The following LEPR variants were observed in gnomAD, a reference collection of about 807,000 sequenced individuals.
LEPR encodes leptin receptor, also known as OB receptor.
A neutral mutation model predicts 114.7 loss-of-function variants in LEPR; 56 were observed. The observed-to-expected ratio is 0.49, with a 90% CI of 0.39 to 0.61. LEPR has a LOEUF of 0.61. Among genes scored for constraint, LEPR ranks in the 20% least tolerant of loss-of-function variants. LEPR has a pLI of 0.00. For synonymous variants in LEPR, 443 were observed against 461.4 expected (o/e 0.96, Z 0.51); for missense variants, 1,202 against 1,352.9 (o/e 0.89, Z 1.75).
intron 2 of LEPR, among the ~76,000 whole-genome samples, chr1:65,510,878 C>T (rs1256791931): frequency 1.3e-5 from 2 of 152,096 alleles, no homozygotes; most frequent in African/African-American, 4.8e-5. Context: ...ATGTCAAGTA[C>T]AGCCAATCTG....
At chr1:65,482,008 G>A (rs1647256723) in intron 2 of LEPR, among the ~76,000 whole-genome samples, 1 of 151,892 alleles carries the variant, frequency 6.6e-6, no homozygotes, top group African/African-American at 2.4e-5. Flanking sequence ...GTTTAGATAA[G>A]TTGTTGGATA....
intron 2 of LEPR, among the ~76,000 whole-genome samples, chr1:65,505,094 T>C (rs1214988713): frequency 6.6e-6 from 1 of 152,162 alleles, no homozygotes; most frequent in Non-Finnish European, 1.5e-5. Context: ...TACTCCTTAA[T>C]TCATACAAAA....
chr1:65,484,700 A>C (rs1488057010), intron 2 of LEPR, among the ~76,000 whole-genome samples: 2 of 152,190 alleles, frequency 1.3e-5, no homozygotes, highest in African/African-American at 2.4e-5. Context: ...ATAATAACTC[A>C]TGGGGAAGGA....
intron 2 of LEPR, among the ~76,000 whole-genome samples, chr1:65,545,492 T>G (rs1449986562): frequency 6.6e-6 from 1 of 150,672 alleles, no homozygotes; most frequent in African/African-American, 2.4e-5. Context: ...TTTTAATGAT[T>G]GCCATTCTAA....
intron 2 of LEPR, among the ~76,000 whole-genome samples, chr1:65,459,637 A>G (rs1387012605): frequency 6.6e-6 from 1 of 152,250 alleles, no homozygotes; most frequent in Non-Finnish European, 1.5e-5. Context: ...CAGCTCTGCC[A>G]TCCCAACCCA....
intron 14 of LEPR, among the ~76,000 whole-genome samples, chr1:65,615,308 A>G (rs1270270313): frequency 6.6e-6 from 1 of 152,142 alleles, no homozygotes; most frequent in Non-Finnish European, 1.5e-5. Flanking sequence ...TTGATTGGGG[A>G]AATGGGGTAC....
rs193922651 is a variant in LEPR, at chr1:65,636,940, C to T, written c.3423C>T (p.Tyr1141=). The T allele has an allele frequency of 1.1e-4, 175 of 1,609,144 alleles. 1 individual carries two copies. Among genetic ancestry groups the T allele is most frequent in the African/African-American group, 5.1e-4 (38 of 74,522 alleles). Residue 1141 remains tyrosine (Y), a synonymous_variant, in exon 20 of 20, where the codon TAC becomes TAT. Transcript: ENST00000349533. The part of the protein sequence containing the change: ...GTSSKKTFAS[Y]MPQFQTCSTQ... ...CTAGTAAGAAGACTTTTGCATCTTACATGCCTCAATTCCAAACTTGTTCTA... is the reference window on the plus strand; with the variant it reads ...CTAGTAAGAAGACTTTTGCATCTTATATGCCTCAATTCCAAACTTGTTCTA...
intron 2 of LEPR, among the ~76,000 whole-genome samples, chr1:65,498,848 TA>T (rs1648298200): frequency 6.6e-6 from 1 of 152,150 alleles, no homozygotes; most frequent in African/African-American, 2.4e-5. Flanking sequence ...GATTGAAGAA[TA>T]GCTCAAGTCC....
chr1:65,448,712 A>G (rs1646742918), intron 2 of LEPR, among the ~76,000 whole-genome samples: 1 of 152,146 alleles, frequency 6.6e-6, no homozygotes, highest in Non-Finnish European at 1.5e-5. Flanking sequence ...ATATTGGCCT[A>G]CTCAGATTAT....
chr1:65,619,950 G>A lies in LEPR; in HGVS notation c.2418G>A (p.Lys806=). 6.2e-7 allele frequency: 1 copy of A among 1,612,250 alleles called. No individual in the cohort carries two copies. The highest frequency in any genetic ancestry group is 8.5e-7 in the Non-Finnish European group (1 of 1,178,712). ...YIHDHFIPIE[K]YQFSLYPIFM... is the part of the protein sequence containing the mutation. Reference sequence around the variant, plus strand: ...CAGATCATTTTATCCCCATTGAGAAGTACCAGTTCAGTCTTTACCCAATAT... The same window carrying A: ...CAGATCATTTTATCCCCATTGAGAAATACCAGTTCAGTCTTTACCCAATAT... The change falls in exon 17 of 20, where the codon AAG becomes AAA. Residue 806 remains lysine (K), a synonymous_variant. Transcript: ENST00000349533.
At chr1:65,583,488 G>C (rs955057182) in intron 5 of LEPR, among the ~76,000 whole-genome samples, 1 of 151,962 alleles carries the variant, frequency 6.6e-6, no homozygotes, top group African/African-American at 2.4e-5. Context: ...CATTTCATAG[G>C]AACTCCAGAA....
At chr1:65,425,146 G>A (rs1006343011) in intron 1 of LEPR, among the ~76,000 whole-genome samples, 157 bp from the exon 2 acceptor site, 14 of 151,992 alleles carry the variant, frequency 9.2e-5, no homozygotes, top group African/African-American at 3.1e-4. Flanking sequence ...ATATTCAGAA[G>A]GTTATGCAGC....
chr1:65,554,613 A>G (rs1570681881), intron 2 of LEPR, among the ~76,000 whole-genome samples: 1 of 152,204 alleles, frequency 6.6e-6, no homozygotes, highest in South Asian at 2.1e-4. Context: ...GGCAGGGAGA[A>G]TTTCAAGCCA....
chr1:65,633,199 C>T lies in LEPR; in HGVS notation c.2674-2992C>T, dbSNP rs1658593507. 6.2e-7 allele frequency: 1 copy of T among 1,609,298 alleles called. No homozygotes were observed. The highest frequency in any genetic ancestry group is 1.3e-5 in the African/African-American group (1 of 74,798). On this transcript the variant is annotated intron_variant, in intron 19 of 19. Coordinates refer to ENST00000349533, the MANE Select transcript of LEPR (RefSeq NM_002303.6). This position sits in a 1 kb window ranked among gnomAD's most constrained non-coding sequence, Gnocchi z 4.1. The stretch of plus-strand genomic sequence containing the variant: ...TAATCATGATCACTACAGATGAACC[C>T]AATGTGCCAACTTCCCAACAGTCTA...
In LEPR at chr1:65,455,245, G is replaced by A. The variant is rs538789715; in HGVS notation, c.-21+29867G>A. 1.3e-4 allele frequency among the ~76,000 whole-genome samples: 20 copies of A among 152,210 alleles called. No homozygotes were observed. In the South Asian group the frequency reaches 3.3e-3, roughly 25 times the overall value. On this transcript the variant is annotated intron_variant, in intron 2 of 19. Transcript: ENST00000349533. Reference sequence around the variant, plus strand: ...TGGTTTGAATTTCCTCCCGTAGCTCGTAGTAATTTGATCGTCTGAAGCCTT... The same window carrying A: ...TGGTTTGAATTTCCTCCCGTAGCTCATAGTAATTTGATCGTCTGAAGCCTT...
Position 65,615,991 on chromosome 1 carries a change from T to G in LEPR, c.1996-17T>G. ...CACTGCAGCCCTTAAACTAATCAAT[T>G]TCTATATTTACTACAGCCCCTGATG... is the stretch of plus-strand genomic sequence containing the variant. On this transcript the variant is annotated splice_polypyrimidine_tract_variant and intron_variant, in intron 14 of 19. Coordinates refer to ENST00000349533, the MANE Select transcript of LEPR (RefSeq NM_002303.6). The G allele has an allele frequency of 6.2e-7, 1 of 1,613,968 alleles. No individual in the cohort carries two copies. The highest frequency in any genetic ancestry group is 8.5e-7 in the Non-Finnish European group (1 of 1,179,942).
At chr1:65,482,234 A>T (rs1053130467) in intron 2 of LEPR, among the ~76,000 whole-genome samples, 1 of 152,146 alleles carries the variant, frequency 6.6e-6, no homozygotes. Flanking sequence ...TTAATAGAAG[A>T]TATATCATAT....
chr1:65,439,932 C>T (rs905494569), intron 2 of LEPR, among the ~76,000 whole-genome samples: 1 of 128,514 alleles, frequency 7.8e-6, no homozygotes, highest in African/African-American at 2.9e-5. Context: ...AACCCGGAGG[C>T]GGAGGTTGCA....
At chr1:65,471,770 G>A (rs1647086345) in intron 2 of LEPR, among the ~76,000 whole-genome samples, 2 of 152,186 alleles carry the variant, frequency 1.3e-5, no homozygotes, top group African/African-American at 4.8e-5. Context: ...TCATGAGCTA[G>A]GGGAAGTGAT....
Sources: gnomAD v4.1 joint callset for allele counts (sites outside exome capture counted in the v4.1 genomes callset) on GRCh38, gnomAD v4.1.1 for gene constraint, Gnocchi (gnomAD v3.1) non-coding constraint, MANE v1.5 for transcripts, NCBI Gene and HGNC (gene_info 2026-07-23, HGNC 2026-07-21) for gene names.